The following VPS54 variants were observed in gnomAD, a reference collection of about 807,000 sequenced individuals.
The protein encoded by VPS54 is VPS54 subunit of GARP complex, also known as vacuolar protein sorting-associated protein 54.
Under a neutral mutation model 121.5 loss-of-function variants are expected in VPS54, and 45 were observed. The ratio of observed to expected loss-of-function variants is 0.37; its 90% CI spans 0.29 to 0.47. The LOEUF is 0.47. Ranked by LOEUF, VPS54 falls within the 20% of genes least tolerant of loss-of-function variation. The pLI is 0.99. For missense variants in VPS54, 1,090 were observed against 1,131.4 expected, an observed-to-expected ratio of 0.96 and a Z score of 0.52; for synonymous variants, 371 against 385.8, an observed-to-expected ratio of 0.96 and a Z score of 0.45.
At chr2:64,001,326 G>A (rs1017576123) in intron 1 of VPS54, among the ~76,000 whole-genome samples, 1 of 152,150 alleles carries the variant, frequency 6.6e-6, no homozygotes, top group Non-Finnish European at 1.5e-5. Context: ...CCAAGGCCTG[G>A]AATCAGGGAC....
chr2:63,951,360 G>T (rs1018300383), intron 7 of VPS54, among the ~76,000 whole-genome samples: 1 of 151,900 alleles, frequency 6.6e-6, no homozygotes, highest in Admixed American at 6.6e-5. Context: ...CTTAGTATGG[G>T]TCCCATGGTG....
intron 11 of VPS54, among the ~76,000 whole-genome samples, chr2:63,939,452 G>C (rs915915426): frequency 4.6e-5 from 7 of 152,064 alleles, no homozygotes; most frequent in African/African-American, 1.7e-4. Flanking sequence ...AGAAATAAAT[G>C]CAACAATGTA....
intron 11 of VPS54, among the ~76,000 whole-genome samples, chr2:63,935,945 T>C (rs1674433655): frequency 1.3e-5 from 2 of 152,156 alleles, no homozygotes; most frequent in Admixed American, 6.6e-5. Context: ...AGAAAACTTC[T>C]AGGTGGTATA....
chr2:63,996,038 T>C (rs1677569997), intron 1 of VPS54, among the ~76,000 whole-genome samples: 1 of 152,136 alleles, frequency 6.6e-6, no homozygotes, highest in Non-Finnish European at 1.5e-5. Flanking sequence ...CGGCTTGTCT[T>C]TAGTGTGCTG....
At chr2:63,989,011 G>A (rs1025843955) in intron 1 of VPS54, among the ~76,000 whole-genome samples, 2 of 152,124 alleles carry the variant, frequency 1.3e-5, no homozygotes, top group African/African-American at 2.4e-5. Context: ...CCGGGAAGGG[G>A]GGCCTCTAAA....
intron 1 of VPS54, among the ~76,000 whole-genome samples, chr2:64,017,346 AAAAG>A (rs1286813518): frequency 1.4e-5 from 2 of 146,982 alleles, no homozygotes; most frequent in Non-Finnish European, 3.1e-5. Flanking sequence ...CAAAAAAAAA[AAAAG>A]AAAAGAAACA....
chr2:63,920,372 C>T, intron 14 of VPS54, 74 bp downstream of exon 14: 1 of 1,318,018 alleles, frequency 7.6e-7, no homozygotes, highest in South Asian at 2.6e-5. Flanking sequence ...ATTAGGTTTC[C>T]TCTTTTAAAC....
intron 3 of VPS54, chr2:63,975,285 G>A (rs1676471046): frequency 2.7e-6 from 1 of 365,240 alleles, no homozygotes; most frequent in Admixed American, 4.0e-5. Context: ...CTTGGGCATA[G>A]GGTGAACTAA....
chr2:63,968,520 C>T (rs866766439), intron 5 of VPS54, among the ~76,000 whole-genome samples: 2 of 151,612 alleles, frequency 1.3e-5, no homozygotes, highest in African/African-American at 2.4e-5. Context: ...AAGACCAGCC[C>T]GGCCAACACG....
chr2:63,967,700 CAGAG>C (rs901068443), intron 5 of VPS54, among the ~76,000 whole-genome samples: 1 of 50,760 alleles, frequency 2.0e-5, no homozygotes, highest in African/African-American at 7.7e-5. Context: ...GCCTGGGCGA[CAGAG>C]AGAGACTCTG....
chr2:63,992,340 C>A lies in VPS54; in HGVS notation c.-20-8321G>T, dbSNP rs372850111. 1.1e-4 allele frequency among the ~76,000 whole-genome samples: 16 copies of A among 152,332 alleles called. No individual in the cohort carries two copies. In the East Asian group the frequency reaches 1.2e-3, roughly 11 times the overall value. On this transcript the variant is annotated intron_variant, in intron 1 of 22. Transcript: ENST00000272322. ...AGATACTGGGGCTTAAATTAACATT[C>A]CACCTAACTCTTATAGTACTCCCAG...
rs1272538375 is a variant in VPS54, at chr2:63,983,963, C to CT, written c.36dup (p.Gly13ArgfsTer5). 1 of 1,613,340 alleles carries CT rather than the reference C, an allele frequency of 6.2e-7. No individual in the cohort carries two copies. Among genetic ancestry groups the CT allele is most frequent in the Admixed American group, 1.7e-5 (1 of 59,984 alleles). On this transcript the variant is annotated frameshift_variant, in exon 2 of 23. Transcript: ENST00000272322. LOFTEE classifies it high-confidence loss of function. Reference sequence around the variant, plus strand: ...TTAAAGAAAACATCACTGCTGCTTCCTTGAGGCACTGGTGAAGAACTGTGG... The same window carrying CT: ...TTAAAGAAAACATCACTGCTGCTTCCTTTGAGGCACTGGTGAAGAACTGTGG...
intron 7 of VPS54, among the ~76,000 whole-genome samples, chr2:63,957,929 A>G (rs1440925858): frequency 6.6e-6 from 1 of 152,164 alleles, no homozygotes; most frequent in African/African-American, 2.4e-5. Flanking sequence ...GGTGTGGCAC[A>G]CTTTTTTAAA....
intron 1 of VPS54, among the ~76,000 whole-genome samples, chr2:64,009,521 GC>G (rs1678329590): frequency 6.6e-6 from 1 of 152,030 alleles, no homozygotes; most frequent in Non-Finnish European, 1.5e-5. Context: ...TCACCATGTT[GC>G]CCAGGCTGGT....
Position 63,921,221 on chromosome 2 carries a change from G to A in VPS54, c.1854C>T (p.Leu618=). ...AAATAGCTACCTTTGCTCTTGACAT[G>A]AGAAATTTGACAGCTCGATCATGGC... is the stretch of plus-strand genomic sequence containing the variant. ...DICHDRAVKF[L]MSRAKDGFLE... The change falls in exon 13 of 23, where the codon CTC becomes CTT. Residue 618 remains leucine, a synonymous_variant. Coordinates refer to ENST00000272322, the MANE Select transcript of VPS54 (RefSeq NM_016516.3). The A allele has an allele frequency of 1.2e-6, 2 of 1,607,468 alleles. No individual in the cohort carries two copies. The highest frequency in any genetic ancestry group is 1.7e-5 in the Admixed American group (1 of 59,742).
chr2:63,969,124 T>C (rs1676149889), intron 4 of VPS54, 133 bp from the exon 5 acceptor site: 3 of 705,846 alleles, frequency 4.3e-6, no homozygotes, highest in East Asian at 5.6e-5. Context: ...CAACAAATTA[T>C]CTATCAAGCA....
intron 1 of VPS54, among the ~76,000 whole-genome samples, chr2:63,998,716 T>C (rs975533777): frequency 6.6e-6 from 1 of 152,166 alleles, no homozygotes; most frequent in African/African-American, 2.4e-5. Flanking sequence ...CCCCCCACTT[T>C]ATAGCTTTTT....
chr2:63,955,326 A>G (rs1356946250), intron 7 of VPS54, among the ~76,000 whole-genome samples: 1 of 152,008 alleles, frequency 6.6e-6, no homozygotes, highest in Non-Finnish European at 1.5e-5. Flanking sequence ...TTGGCTCTCA[A>G]TTATTTTTAT....
At chr2:63,975,892 T>C (rs1437281483) in intron 3 of VPS54, among the ~76,000 whole-genome samples, 1 of 152,196 alleles carries the variant, frequency 6.6e-6, no homozygotes, top group Non-Finnish European at 1.5e-5. Context: ...ATTACAGGCA[T>C]GCGCCACCAT....
Sources: allele counts gnomAD v4.1 joint callset (sites outside exome capture counted in the v4.1 genomes callset), GRCh38; gene constraint gnomAD v4.1.1; transcripts MANE v1.5; gene names NCBI Gene and HGNC (gene_info 2026-07-23, HGNC 2026-07-21).